The following SHTN1 variants were observed in gnomAD, a reference collection of about 807,000 sequenced individuals.
SHTN1 encodes the protein shootin 1.
A neutral mutation model predicts 83.1 loss-of-function variants in SHTN1; 42 were observed. The observed-to-expected ratio is 0.51, with a 90% confidence interval of 0.39 to 0.65. SHTN1 has a LOEUF of 0.65. SHTN1 is among the 30% of genes least tolerant of loss of function. The pLI, the probability that SHTN1 is intolerant of heterozygous loss-of-function variation, is 0.00. For synonymous variants in SHTN1, 224 were observed against 247.7 expected (o/e 0.90, Z 0.90); for missense variants, 622 against 737.8 (o/e 0.84, Z 1.82).
chr10:116,957,439 A>G (rs906534114), intron 4 of SHTN1, among the ~76,000 whole-genome samples: 3 of 151,390 alleles, frequency 2.0e-5, no homozygotes, highest in Non-Finnish European at 4.4e-5. Context: ...TTTTTAGTAG[A>G]GACGGGGTTT....
At chr10:117,085,168 T>A (rs1853332823) in intron 1 of SHTN1, among the ~76,000 whole-genome samples, 2 of 152,200 alleles carry the variant, frequency 1.3e-5, no homozygotes, top group Admixed American at 6.5e-5. Context: ...CTTAAATTTG[T>A]ATTATTTTTC....
At chr10:116,887,750 C>G (rs1466509089) in intron 16 of SHTN1, among the ~76,000 whole-genome samples, 1 of 152,174 alleles carries the variant, frequency 6.6e-6, no homozygotes, top group Admixed American at 6.5e-5. Flanking sequence ...GCTTTACTCA[C>G]AATTCTATCC....
intron 16 of SHTN1, chr10:116,900,247 G>A (rs1419827103): frequency 2.7e-5 from 10 of 375,910 alleles, no homozygotes; most frequent in Non-Finnish European, 4.3e-5. Context: ...GCAGTCCACA[G>A]TATTTGTATT....
At chr10:116,943,829 G>T (rs1386912221) in intron 8 of SHTN1, among the ~76,000 whole-genome samples, 1 of 152,114 alleles carries the variant, frequency 6.6e-6, no homozygotes, top group Non-Finnish European at 1.5e-5. Flanking sequence ...TCAACCTACA[G>T]TATGCACACA....
chr10:117,091,487 AAAG>A (rs1853429283), intron 1 of SHTN1, among the ~76,000 whole-genome samples: 1 of 152,198 alleles, frequency 6.6e-6, no homozygotes, highest in East Asian at 1.9e-4. Context: ...TAAGCAAATT[AAAG>A]AAGAACTGGT....
At chr10:117,028,564 A>G (rs1270850115) in intron 2 of SHTN1, among the ~76,000 whole-genome samples, 1 of 152,050 alleles carries the variant, frequency 6.6e-6, no homozygotes, top group African/African-American at 2.4e-5. Flanking sequence ...CCAGTGCTCC[A>G]CTGCCCTGGC....
chr10:116,889,017 T>G (rs899464076), intron 16 of SHTN1, among the ~76,000 whole-genome samples: 1 of 152,202 alleles, frequency 6.6e-6, no homozygotes, highest in Non-Finnish European at 1.5e-5. Context: ...TGTAAGCCAG[T>G]CAAACTGCTT....
chr10:117,046,875 G>A (rs996528006), intron 2 of SHTN1, among the ~76,000 whole-genome samples: 2 of 152,036 alleles, frequency 1.3e-5, no homozygotes, highest in African/African-American at 4.8e-5. Flanking sequence ...CTGAGAGTGG[G>A]TATGGGGTTT....
At chr10:117,001,243 A>C (rs1417391285) in intron 1 of SHTN1, among the ~76,000 whole-genome samples, 2 of 152,080 alleles carry the variant, frequency 1.3e-5, no homozygotes, top group Middle Eastern at 3.4e-3. Flanking sequence ...ACACTGGCTA[A>C]TTTTTTTTAA....
intron 2 of SHTN1, among the ~76,000 whole-genome samples, chr10:116,971,553 C>T (rs1290922404): frequency 1.3e-5 from 2 of 152,092 alleles, no homozygotes; most frequent in Non-Finnish European, 2.9e-5. Flanking sequence ...GAATGGGCTT[C>T]TGTTTGGTCT....
intron 9 of SHTN1, among the ~76,000 whole-genome samples, chr10:116,935,873 C>T (rs887475448): frequency 1.3e-5 from 2 of 152,276 alleles, no homozygotes; most frequent in South Asian, 2.1e-4. Context: ...AGGGATTCCA[C>T]TTCTTCCTGA....
At chr10:116,899,686 C>G (rs1421436434) in intron 16 of SHTN1, among the ~76,000 whole-genome samples, 1 of 152,156 alleles carries the variant, frequency 6.6e-6, no homozygotes, top group Non-Finnish European at 1.5e-5. Flanking sequence ...GGTGTTGCCA[C>G]AGACAAAATA....
At chr10:117,039,721 T>G (rs2133579566) in intron 2 of SHTN1, among the ~76,000 whole-genome samples, 1 of 151,364 alleles carries the variant, frequency 6.6e-6, no homozygotes, top group South Asian at 2.1e-4. Flanking sequence ...GGCGTGGTGG[T>G]GGGCACCTGT....
intron 12 of SHTN1, among the ~76,000 whole-genome samples, chr10:116,918,989 C>T (rs1328476349): frequency 1.3e-5 from 2 of 152,072 alleles, no homozygotes; most frequent in Non-Finnish European, 2.9e-5. Flanking sequence ...TCTTTCTTTA[C>T]AATGAAGTTT....
upstream of SHTN1, chr10:117,005,523 G>A (rs926349286): frequency 6.3e-5 from 63 of 1,002,620 alleles, no homozygotes; most frequent in Non-Finnish European, 7.5e-5. Flanking sequence ...ACTCCACTTT[G>A]GACGCTTCCC....
At chr10:117,084,411 G>T (rs1162170430) in intron 1 of SHTN1, among the ~76,000 whole-genome samples, 2 of 152,224 alleles carry the variant, frequency 1.3e-5, no homozygotes, top group Non-Finnish European at 2.9e-5. Flanking sequence ...ATCTCCAGCT[G>T]CGTACTGGGA....
intron 2 of SHTN1, among the ~76,000 whole-genome samples, chr10:116,978,985 T>A (rs558133791): frequency 6.6e-6 from 1 of 152,240 alleles, no homozygotes; most frequent in African/African-American, 2.4e-5. Flanking sequence ...TCCTGGGGAC[T>A]TGAGTTGCTT....
At chr10:117,075,440 T>A (rs937680406) in intron 1 of SHTN1, among the ~76,000 whole-genome samples, 2 of 152,188 alleles carry the variant, frequency 1.3e-5, no homozygotes, top group African/African-American at 4.8e-5. Context: ...ACCGGGCAAA[T>A]TCTTAATGCC....
intron 4 of SHTN1, among the ~76,000 whole-genome samples, chr10:116,955,100 CAAAAAA>C (rs59777387): frequency 4.6e-5 from 4 of 87,766 alleles, no homozygotes; most frequent in Admixed American, 1.2e-4. Context: ...TACTTCACAG[CAAAAAA>C]AAAAAAAAAA....
Sources: gnomAD v4.1 joint callset for allele counts (sites outside exome capture counted in the v4.1 genomes callset) on GRCh38, gnomAD v4.1.1 for gene constraint, MANE v1.5 for transcripts, NCBI Gene and HGNC (gene_info 2026-07-23, HGNC 2026-07-21) for gene names.